The following NSUN2 variants were observed in gnomAD, a reference collection of about 807,000 sequenced individuals.
The protein encoded by NSUN2 is RNA cytosine C(5)-methyltransferase NSUN2.
NSUN2 carries 63 observed loss-of-function variants against 92.7 expected under a neutral mutation model. That is an observed-to-expected ratio of 0.68 (90% CI 0.56 to 0.84). The LOEUF (loss-of-function observed/expected upper bound fraction) is 0.84. NSUN2 is among the 40% of genes least tolerant of loss of function. NSUN2 has a pLI of 0.00. For synonymous variants in NSUN2, 356 were observed against 348.3 expected, an observed-to-expected ratio of 1.02 and a Z score of -0.25; for missense variants, 989 against 964.9, an observed-to-expected ratio of 1.02 and a Z score of -0.33.
In NSUN2 at chr5:6,632,761, G is replaced by A. The variant is rs917611999; in HGVS notation, c.97-5C>T. 6 of 1,612,952 alleles carry A rather than the reference G, an allele frequency of 3.7e-6. No individual in the cohort carries two copies. In the African/African-American group the frequency reaches 5.3e-5, roughly 14 times the overall value. ...GGGGTAGCCTCCTTCCCAGCCCTGA[G>A]GAAGGAAAGAGACGTCTACCCCGAG... On this transcript the variant is annotated splice_region_variant and splice_polypyrimidine_tract_variant and intron_variant, in intron 1 of 18. Coordinates refer to ENST00000264670, the MANE Select transcript of NSUN2 (RefSeq NM_017755.6).
chr5:6,606,564 C>T (rs1034313478), intron 14 of NSUN2, among the ~76,000 whole-genome samples: 10 of 151,998 alleles, frequency 6.6e-5, no homozygotes. Flanking sequence ...GGATTACAGC[C>T]GTGAGCCACC....
In NSUN2 at chr5:6,611,101, G is replaced by A. The variant is rs763351117; in HGVS notation, c.1096-16C>T. On this transcript the variant is annotated splice_polypyrimidine_tract_variant and intron_variant, in intron 10 of 18. Transcript: ENST00000264670. ...TCGTCATTACCTGCAGAACCACAGG[G>A]TACATTCCAGATTACTAGCACTATC... 15 of 1,613,924 alleles carry A rather than the reference G, an allele frequency of 9.3e-6. No homozygotes were observed. The highest frequency in any genetic ancestry group is 8.9e-5 in the East Asian group (4 of 44,886).
At chr5:6,622,838 A>G (rs927570220) in intron 5 of NSUN2, among the ~76,000 whole-genome samples, 4 of 132,076 alleles carry the variant, frequency 3.0e-5, no homozygotes, top group African/African-American at 1.1e-4. Context: ...CAAGAGTGAA[A>G]CTCCATCTCA....
At chr5:6,632,312 C>A (rs1737950096) in intron 2 of NSUN2, among the ~76,000 whole-genome samples, 1 of 152,196 alleles carries the variant, frequency 6.6e-6, no homozygotes, top group Non-Finnish European at 1.5e-5. Flanking sequence ...TCTATAAATT[C>A]TCTTACGTTC....
intron 3 of NSUN2, 55 bp from the exon 4 acceptor site, chr5:6,625,724 T>C (rs1445677054): frequency 4.4e-5 from 57 of 1,291,622 alleles, no homozygotes; most frequent in Non-Finnish European, 6.3e-5. Flanking sequence ...AGTCGTCTGT[T>C]GACAACTTTG....
intron 13 of NSUN2, 66 bp downstream of exon 13, chr5:6,607,134 C>A: frequency 6.6e-7 from 1 of 1,522,520 alleles, no homozygotes; most frequent in South Asian, 1.2e-5. Flanking sequence ...CTCTGGGATC[C>A]CATTTAATCC....
chr5:6,629,812 G>A (rs527400560), intron 3 of NSUN2, among the ~76,000 whole-genome samples: 1 of 152,284 alleles, frequency 6.6e-6, no homozygotes, highest in South Asian at 2.1e-4. Context: ...CTCAGGGGGA[G>A]ATCTGATGGT....
intron 8 of NSUN2, among the ~76,000 whole-genome samples, chr5:6,617,492 GATC>G (rs557180576): frequency 3.3e-5 from 5 of 152,198 alleles, no homozygotes; most frequent in African/African-American, 7.2e-5. Flanking sequence ...TAACAGACGT[GATC>G]ATCGTGTTAT....
At chr5:6,600,775 G>T (rs1164810975) in intron 18 of NSUN2, among the ~76,000 whole-genome samples, 1 of 152,140 alleles carries the variant, frequency 6.6e-6, no homozygotes, top group East Asian at 1.9e-4. Flanking sequence ...CTCAGTGTTA[G>T]CGTGATTTCT....
chr5:6,610,639 G>A (rs369936331), intron 11 of NSUN2, among the ~76,000 whole-genome samples: 1 of 150,170 alleles, frequency 6.7e-6, no homozygotes, highest in Admixed American at 6.6e-5. Context: ...AGCCGAGATC[G>A]AGCTACTACA....
intron 17 of NSUN2, 68 bp from the exon 18 acceptor site, chr5:6,602,568 C>T (rs1736602142): frequency 3.0e-6 from 4 of 1,315,118 alleles, no homozygotes; most frequent in Non-Finnish European, 4.4e-6. Flanking sequence ...GAGCACATTT[C>T]TGCACCTAGT....
At chr5:6,632,423 T>A (rs1349376295) in intron 2 of NSUN2, among the ~76,000 whole-genome samples, 176 bp downstream of exon 2, 1 of 152,178 alleles carries the variant, frequency 6.6e-6, no homozygotes, top group Admixed American at 6.5e-5. Context: ...GCGCCTGCAA[T>A]ACCTCCGTGA....
At chr5:6,631,849 G>T in intron 3 of NSUN2, 24 bp downstream of exon 3, 3 of 1,449,776 alleles carry the variant, frequency 2.1e-6, no homozygotes, top group Non-Finnish European at 2.9e-6. Flanking sequence ...ATAAATATTC[G>T]GCATGAAGCA....
chr5:6,615,586 A>G (rs1432117103), intron 9 of NSUN2, among the ~76,000 whole-genome samples: 1 of 145,210 alleles, frequency 6.9e-6, no homozygotes, highest in African/African-American at 2.6e-5. Context: ...TAAACACAAC[A>G]TTACATTCCA....
intron 7 of NSUN2, 46 bp from the exon 8 acceptor site, chr5:6,618,070 G>T: frequency 7.5e-7 from 1 of 1,339,216 alleles, no homozygotes; most frequent in South Asian, 1.2e-5. Flanking sequence ...ACAGGTGGAT[G>T]ACTGCACTTT....
rs754239834 is a variant in NSUN2, at chr5:6,632,725, T to C, written c.128A>G (p.Lys43Arg). The change falls in exon 2 of 19, where the codon AAG becomes AGG. Residue 43 changes from lysine to arginine, a missense_variant. Lys to Arg is a conservative substitution (Grantham distance 26, BLOSUM62 2). This residue lies in a region of NSUN2 where 356 missense variants were observed against 338.6 expected (regional missense o/e 1.05). Coordinates refer to ENST00000264670, the MANE Select transcript of NSUN2 (RefSeq NM_017755.6). ...GTAGTGCTCGAACAGCTTGTTCTCC[T>C]TGACGATCTCGGGGTAGCCTCCTTC... ...GWEGGYPEIV[K>R]ENKLFEHYYQ... is the part of the protein sequence containing the mutation. 6.2e-7 allele frequency: 1 copy of C among 1,613,930 alleles called. No homozygotes were observed. Among genetic ancestry groups the C allele is most frequent in the South Asian group, 1.1e-5 (1 of 91,074 alleles).
chr5:6,616,267 G>A (rs1391252492), intron 9 of NSUN2, among the ~76,000 whole-genome samples: 5 of 152,244 alleles, frequency 3.3e-5, no homozygotes, highest in African/African-American at 1.2e-4. Flanking sequence ...TCCATCAACA[G>A]ATGGATGGGT....
intron 11 of NSUN2, among the ~76,000 whole-genome samples, chr5:6,610,581 G>A (rs1736945491): frequency 6.6e-6 from 1 of 151,856 alleles, no homozygotes; most frequent in African/African-American, 2.4e-5. Context: ...CTACTTGGGA[G>A]GCTGAGGCAC....
At chr5:6,604,566 T>C in intron 16 of NSUN2, 39 bp downstream of exon 16, 1 of 1,567,402 alleles carries the variant, frequency 6.4e-7, no homozygotes, top group Non-Finnish European at 8.8e-7. Context: ...GCTTCAGTCA[T>C]CTGTGGCTAC....
Sources: allele counts gnomAD v4.1 joint callset (sites outside exome capture counted in the v4.1 genomes callset), GRCh38; gene constraint gnomAD v4.1.1; regional missense constraint gnomAD v4.1.1; transcripts MANE v1.5; gene names NCBI Gene and HGNC (gene_info 2026-07-23, HGNC 2026-07-21).